Variants in CYREN observed in about 807,000 individuals in gnomAD.
CYREN encodes cell cycle regulator of non-homologous end joining.
CYREN carries 7 observed loss-of-function variants against 9.7 expected under a neutral mutation model. The observed-to-expected ratio is 0.72, with a 90% confidence interval of 0.41 to 1.36. CYREN has a LOEUF of 1.36. CYREN is among the 40% of genes most tolerant of loss of function. The probability of loss-of-function intolerance (pLI) is 0.01; values close to 1 mark genes in which losing one functional copy is unlikely to be tolerated. For synonymous variants in CYREN, 76 were observed against 77.9 expected (o/e 0.98, Z 0.13); for missense variants, 215 against 198.1 (o/e 1.09, Z -0.51).
At chr7:135,098,491 T>C (rs1183836049) in intron 2 of CYREN, among the ~76,000 whole-genome samples, 1 of 152,196 alleles carries the variant, frequency 6.6e-6, no homozygotes, top group Admixed American at 6.5e-5. Flanking sequence ...TTTTCCATCC[T>C]CAGTTGGTTA....
At chr7:135,097,523 T>G (rs1823082055) in intron 2 of CYREN, among the ~76,000 whole-genome samples, 1 of 152,142 alleles carries the variant, frequency 6.6e-6, no homozygotes, top group African/African-American at 2.4e-5. Flanking sequence ...AAATGTAAAT[T>G]TTGGCATGTT....
At chr7:135,115,326 G>T (rs1387368865) in intron 2 of CYREN, 1 of 1,184,890 alleles carries the variant, frequency 8.4e-7, no homozygotes, top group African/African-American at 1.6e-5. Context: ...TGCCCAATAA[G>T]TAATTGTGAA....
chr7:135,145,071 T>C (rs1234456739), intron 2 of CYREN, among the ~76,000 whole-genome samples: 1 of 151,784 alleles, frequency 6.6e-6, no homozygotes, highest in Non-Finnish European at 1.5e-5. Context: ...AATTTATTTT[T>C]TAAGGCATAA....
chr7:135,130,527 G>C (rs1201464313), intron 2 of CYREN, among the ~76,000 whole-genome samples: 2 of 148,104 alleles, frequency 1.4e-5, no homozygotes, highest in Non-Finnish European at 3.0e-5. Context: ...CTGTTTGTAA[G>C]GACAGTCTTA....
At chr7:135,171,067 C>A (rs143267582), upstream of CYREN, among the ~76,000 whole-genome samples, 1 of 151,696 alleles carries the variant, frequency 6.6e-6, no homozygotes, top group Non-Finnish European at 1.5e-5. Context: ...CTGGGCCAGG[C>A]CCCCCTCGTG....
At chr7:135,130,655 G>A (rs928470005) in intron 2 of CYREN, among the ~76,000 whole-genome samples, 5 of 152,066 alleles carry the variant, frequency 3.3e-5, no homozygotes, top group South Asian at 2.1e-4. Context: ...CAAGCTGAAT[G>A]TTCTTGAATT....
At chr7:135,171,022 C>T (rs888812740), upstream of CYREN, among the ~76,000 whole-genome samples, 2 of 152,208 alleles carry the variant, frequency 1.3e-5, no homozygotes, top group African/African-American at 4.8e-5. Flanking sequence ...AAAGGCCCGC[C>T]GGGAATTCCC....
At chr7:135,134,948 A>T in intron 2 of CYREN, 2 of 1,551,224 alleles carry the variant, frequency 1.3e-6, no homozygotes, top group Non-Finnish European at 1.7e-6. Flanking sequence ...AACTCTTCAG[A>T]ATGGGTCCAG....
rs1017436007 is a variant in CYREN at position 135,125,474 on chromosome 7, G to A, written n.357-30892C>T. 8.5e-5 allele frequency among the ~76,000 whole-genome samples: 13 copies of A among 152,266 alleles called. No individual in the cohort carries two copies. In the East Asian group the frequency reaches 2.1e-3, roughly 25 times the overall value. On this transcript the variant is annotated intron_variant and non_coding_transcript_variant, in intron 2 of 2. Coordinates refer to the CYREN transcript ENST00000459937. ...AATTTTACCAGAAGTACAAAGAAGAGCTGGTACCATTCCTTCTGAAACTAC... is the reference window on the plus strand; with the variant it reads ...AATTTTACCAGAAGTACAAAGAAGAACTGGTACCATTCCTTCTGAAACTAC...
chr7:135,168,385 T>G (rs1297210764), intron 2 of CYREN: 3 of 184,456 alleles, frequency 1.6e-5, no homozygotes, highest in Non-Finnish European at 3.4e-5. Flanking sequence ...GCTGCTCATC[T>G]GTCCATCCCT....
chr7:135,119,211 T>C (rs889585987), intron 2 of CYREN, among the ~76,000 whole-genome samples: 2 of 151,474 alleles, frequency 1.3e-5, no homozygotes, highest in Non-Finnish European at 2.9e-5. Flanking sequence ...AAGAAATTCA[T>C]GCCAAGATAC....
intron 2 of CYREN, among the ~76,000 whole-genome samples, chr7:135,156,787 G>C (rs1457742354): frequency 6.6e-6 from 1 of 152,128 alleles, no homozygotes; most frequent in African/African-American, 2.4e-5. Context: ...GTTTGACTGT[G>C]TCCCCACCCA....
rs1409089874 is a variant in CYREN at position 135,096,580 on chromosome 7, G to C, written n.357-1998C>G. On this transcript the variant is annotated intron_variant and non_coding_transcript_variant, in intron 2 of 2. Coordinates refer to the CYREN transcript ENST00000459937. ...AGAAAGATAGATAGATAGATAGATAGATACATAGATAGATAGATAGATAGA... is the reference window on the plus strand; with the variant it reads ...AGAAAGATAGATAGATAGATAGATACATACATAGATAGATAGATAGATAGA... Among the ~76,000 whole-genome samples the C allele has an allele frequency of 3.1e-4, 10 of 32,314 alleles. 1 individual carries two copies. The highest frequency in any genetic ancestry group is 7.8e-4 in the East Asian group (2 of 2,570). The allele number at this position is 32,314 out of a possible 152,430, so 21.2% of individuals were successfully genotyped here. A position where few individuals can be genotyped will look rare whatever the true frequency, so the allele number is the denominator to read the frequency against.
chr7:135,106,697 G>A (rs1328392136), intron 2 of CYREN, among the ~76,000 whole-genome samples: 2 of 152,164 alleles, frequency 1.3e-5, no homozygotes, highest in Non-Finnish European at 2.9e-5. Flanking sequence ...GGCTCTGCCA[G>A]GTTTTGGTAT....
Position 135,168,854 on chromosome 7 carries a change from T to C in CYREN, c.69A>G (p.Thr23=). ...GGGCCTTCATTGGTGCCACATTCTT[T>C]GTAGCCACCTGGGCTGTCAGCCATG... ...LPSWLTAQVA[T]KNVAPMKAPK... The change falls in exon 2 of 4, where the codon ACA becomes ACG. Residue 23 remains threonine (T), a synonymous_variant. Transcript: ENST00000393114. 1 of 1,614,124 alleles carries C rather than the reference T, an allele frequency of 6.2e-7. No homozygotes were observed. The highest frequency in any genetic ancestry group is 1.1e-5 in the South Asian group (1 of 91,084).
chr7:135,139,460 T>C (rs1431518837), intron 2 of CYREN, among the ~76,000 whole-genome samples: 1 of 151,840 alleles, frequency 6.6e-6, no homozygotes, highest in Admixed American at 6.6e-5. Flanking sequence ...ACGTTTTTTA[T>C]AGATTCTTAA....
chr7:135,096,365 GAC>G (rs1170719012), intron 2 of CYREN, among the ~76,000 whole-genome samples: 13 of 149,084 alleles, frequency 8.7e-5, no homozygotes, highest in African/African-American at 1.5e-4. Flanking sequence ...GAGAGAGACA[GAC>G]AGACAGACAG....
At chr7:135,126,671 A>G (rs1827915919) in intron 2 of CYREN, among the ~76,000 whole-genome samples, 1 of 151,376 alleles carries the variant, frequency 6.6e-6, no homozygotes, top group Non-Finnish European at 1.5e-5. Context: ...CAAAACAGAT[A>G]TATAGACCAA....
At chr7:135,164,513 C>T (rs1442542300), downstream of CYREN, 2 of 1,613,654 alleles carry the variant, frequency 1.2e-6, no homozygotes, top group East Asian at 2.2e-5. Context: ...TGATTGTGGT[C>T]ATCTGCCTGA....
Sources: gnomAD v4.1 joint callset for allele counts (sites outside exome capture counted in the v4.1 genomes callset) on GRCh38, gnomAD v4.1.1 for gene constraint, MANE v1.5 for transcripts, NCBI Gene and HGNC (gene_info 2026-07-23, HGNC 2026-07-21) for gene names.